Variants in KIF15 observed in about 807,000 individuals in gnomAD.
KIF15 encodes kinesin family member 15.
Under a neutral mutation model 190.6 loss-of-function variants are expected in KIF15, and 140 were observed. The ratio of observed to expected loss-of-function variants is 0.73; its 90% confidence interval spans 0.64 to 0.84. The LOEUF is 0.84. KIF15 is among the 40% of genes least tolerant of loss of function. The pLI is 0.00. For missense variants in KIF15, 1,372 were observed against 1,584.4 expected (o/e 0.87, Z 2.28); for synonymous variants, 528 against 551.3 (o/e 0.96, Z 0.59).
chr3:44,857,834 G>A (rs1012025348), downstream of KIF15, among the ~76,000 whole-genome samples: 6 of 152,190 alleles, frequency 3.9e-5, no homozygotes, highest in Non-Finnish European at 7.3e-5. Flanking sequence ...GGTAACGGAT[G>A]GAGAAGAAAT....
intron 18 of KIF15, 99 bp downstream of exon 18, chr3:44,812,388 A>G: frequency 3.8e-6 from 3 of 798,692 alleles, no homozygotes; most frequent in South Asian, 1.6e-5. Context: ...TTGAGTATGC[A>G]TGAAACATAT....
chr3:44,829,035 C>A (rs1252328147), intron 24 of KIF15, among the ~76,000 whole-genome samples: 3 of 149,566 alleles, frequency 2.0e-5, no homozygotes. Flanking sequence ...GAAACTCTGT[C>A]TCAAAAAAAA....
chr3:44,810,721 C>T, intron 16 of KIF15, 125 bp from the exon 17 acceptor site: 1 of 773,108 alleles, frequency 1.3e-6, no homozygotes, highest in Non-Finnish European at 2.1e-6. Context: ...TACTGTGTCT[C>T]AAGGGTACTT....
chr3:44,847,414 A>G (rs779154610), intron 30 of KIF15, among the ~76,000 whole-genome samples: 2 of 152,212 alleles, frequency 1.3e-5, no homozygotes, highest in Non-Finnish European at 2.9e-5. Context: ...CTTACTTTAT[A>G]TATTGGAACA....
intron 1 of KIF15, among the ~76,000 whole-genome samples, chr3:44,770,491 T>C (rs1705595809): frequency 6.6e-6 from 1 of 152,092 alleles, no homozygotes; most frequent in Admixed American, 6.5e-5. Flanking sequence ...GTGACACTTC[T>C]TACTCACCGC....
chr3:44,786,659 G>T, intron 7 of KIF15, 85 bp downstream of exon 7: 4 of 1,107,868 alleles, frequency 3.6e-6, no homozygotes, highest in East Asian at 2.5e-5. Flanking sequence ...GACAATTGAG[G>T]TACCAAAAAT....
chr3:44,812,122 G>A (rs1159425667), intron 17 of KIF15, 60 bp from the exon 18 acceptor site: 3 of 1,231,998 alleles, frequency 2.4e-6, no homozygotes, highest in Non-Finnish European at 3.6e-6. Flanking sequence ...AGACGAAATG[G>A]TGGAATGTTT....
In KIF15 at chr3:44,851,913, G is replaced by A; in HGVS notation, c.3933G>A (p.Lys1311=). The A allele has an allele frequency of 6.2e-7, 1 of 1,613,874 alleles. No individual in the cohort carries two copies. The highest frequency in any genetic ancestry group is 8.5e-7 in the Non-Finnish European group (1 of 1,179,896). Residue 1311 remains lysine (K), a synonymous_variant, in exon 33 of 35, where the codon AAG becomes AAA. Transcript: ENST00000326047. ...AFQEKEQLRS[K]LEEMYEERER... ...AGGAAAAAGAACAACTGAGATCAAAGCTGGAAGAAATGTATGAAGAAAGAG... is the reference window on the plus strand; with the variant it reads ...AGGAAAAAGAACAACTGAGATCAAAACTGGAAGAAATGTATGAAGAAAGAG...
chr3:44,761,948 G>A (rs1559513928), intron 1 of KIF15, 64 bp downstream of exon 1: 14 of 1,608,238 alleles, frequency 8.7e-6, no homozygotes, highest in Non-Finnish European at 1.2e-5. Context: ...TGAAAGGATG[G>A]CAGCCTCGGA....
intron 33 of KIF15, 62 bp from the exon 34 acceptor site, chr3:44,852,146 G>C: frequency 6.4e-7 from 1 of 1,555,526 alleles, no homozygotes; most frequent in South Asian, 1.2e-5. Flanking sequence ...GAAATAATGT[G>C]ACTTTAAAAG....
chr3:44,826,944 T>C (rs1697691769), intron 22 of KIF15: 2 of 448,230 alleles, frequency 4.5e-6, no homozygotes, highest in African/African-American at 2.0e-5. Context: ...AAGAATTTGT[T>C]TATTCAGTAG....
intron 25 of KIF15, 37 bp from the exon 26 acceptor site, chr3:44,830,859 T>A: frequency 6.3e-7 from 1 of 1,588,578 alleles, no homozygotes; most frequent in Non-Finnish European, 8.6e-7. Flanking sequence ...AAACAGGAAA[T>A]AAAATGGCTC....
intron 1 of KIF15, among the ~76,000 whole-genome samples, chr3:44,763,880 G>T (rs1175541403): frequency 6.6e-6 from 1 of 151,972 alleles, no homozygotes; most frequent in Non-Finnish European, 1.5e-5. Context: ...TAGAGACAGG[G>T]TTTCACCATG....
intron 7 of KIF15, among the ~76,000 whole-genome samples, chr3:44,792,272 T>G (rs1706744517): frequency 6.6e-6 from 1 of 151,518 alleles, no homozygotes; most frequent in Non-Finnish European, 1.5e-5. Context: ...GGTCAGGAGT[T>G]CAAGACCAGC....
chr3:44,791,022 A>G (rs1308098785), intron 7 of KIF15, among the ~76,000 whole-genome samples: 2 of 152,186 alleles, frequency 1.3e-5, no homozygotes, highest in African/African-American at 4.8e-5. Context: ...TGTAAACCAC[A>G]TAGCTATACT....
intron 20 of KIF15, among the ~76,000 whole-genome samples, chr3:44,825,508 C>A (rs1697590202): frequency 1.3e-5 from 2 of 152,132 alleles, no homozygotes. Context: ...ACAGCTTACT[C>A]AGGAGGGAAA....
rs1227937427 is a variant in KIF15, at chr3:44,838,336, C to T, written c.3233C>T (p.Ala1078Val). 6.2e-7 allele frequency: 1 copy of T among 1,613,922 alleles called. No individual in the cohort carries two copies. Among genetic ancestry groups the T allele is most frequent in the Non-Finnish European group, 8.5e-7 (1 of 1,179,926 alleles). ...GAGCAGCTGAACATGCTCACAGAGG[C>T]CTCAAAAAAACACTCGGGGCTGCTG... ...ATEQLNMLTE[A>V]SKKHSGLLQS... is the part of the protein sequence containing the mutation. Residue 1078 changes from alanine to valine, a missense_variant, in exon 27 of 35, where the codon GCC (alanine) becomes GTC (valine). By Grantham distance (64) the Ala-to-Val change is moderately conservative (BLOSUM62 0). Coordinates refer to ENST00000326047, the MANE Select transcript of KIF15 (RefSeq NM_020242.3).
intron 34 of KIF15, 62 bp downstream of exon 34, chr3:44,852,401 A>G: frequency 1.4e-6 from 2 of 1,480,084 alleles, no homozygotes; most frequent in Non-Finnish European, 9.2e-7. Context: ...TTTTATTGAA[A>G]CCAAATTAAA....
At chr3:44,804,520 G>A (rs759157223) in intron 14 of KIF15, among the ~76,000 whole-genome samples, 2 of 152,182 alleles carry the variant, frequency 1.3e-5, no homozygotes, top group Non-Finnish European at 2.9e-5. Context: ...ACTGGCTGCT[G>A]TTTCTCTGTC....
Sources: allele counts gnomAD v4.1 joint callset (sites outside exome capture counted in the v4.1 genomes callset), GRCh38; gene constraint gnomAD v4.1.1; transcripts MANE v1.5; gene names NCBI Gene and HGNC (gene_info 2026-07-23, HGNC 2026-07-21).